ACSL5: variants seen among roughly 807,000 people sequenced by gnomAD.
ACSL5 encodes the protein long-chain-fatty-acid--CoA ligase 5.
ACSL5 carries 50 observed loss-of-function variants against 84.9 expected under a neutral mutation model. The ratio of observed to expected loss-of-function variants is 0.59; its 90% confidence interval spans 0.47 to 0.75. The LOEUF (loss-of-function observed/expected upper bound fraction) is 0.75. Ranked by LOEUF, ACSL5 falls within the 30% of genes least tolerant of loss-of-function variation. The pLI, the probability that ACSL5 is intolerant of heterozygous loss-of-function variation, is 0.00. For missense variants in ACSL5, 775 were observed against 830.4 expected, an observed-to-expected ratio of 0.93 and a Z score of 0.82; for synonymous variants, 280 against 300.7, an observed-to-expected ratio of 0.93 and a Z score of 0.71.
At chr10:112,403,527 C>A (rs1843954505) in intron 3 of ACSL5, among the ~76,000 whole-genome samples, 1 of 152,234 alleles carries the variant, frequency 6.6e-6, no homozygotes, top group Admixed American at 6.5e-5. Flanking sequence ...CTCAGGTGAT[C>A]TGCCCGCCTT....
Position 112,409,499 on chromosome 10 carries a change from G to A in ACSL5, c.533-8G>A, listed in dbSNP as rs754376995. On this transcript the variant is annotated splice_polypyrimidine_tract_variant and splice_region_variant and intron_variant, in intron 6 of 20. Transcript: ENST00000354655. ...GGGAATGACCTCTGGTTCTATTTTGGCTTCCAGCTGATATCGCCATGGTGA... is the reference window on the plus strand; with the variant it reads ...GGGAATGACCTCTGGTTCTATTTTGACTTCCAGCTGATATCGCCATGGTGA... The A allele has an allele frequency of 3.7e-6, 6 of 1,612,224 alleles. No homozygotes were observed. In the South Asian group the frequency reaches 6.6e-5, roughly 18 times the overall value.
chr10:112,400,822 T>C (rs1843867587), intron 3 of ACSL5, among the ~76,000 whole-genome samples: 1 of 152,122 alleles, frequency 6.6e-6, no homozygotes, highest in Admixed American at 6.6e-5. Flanking sequence ...CCTCCCAAAG[T>C]ACTGGGATTA....
rs74158725 is a variant in ACSL5, at chr10:112,404,945, C to G, written c.432+139C>G. 999 of 777,050 alleles carry G rather than the reference C, an allele frequency of 1.3e-3. 10 individuals are homozygous for G. In the African/African-American group the frequency reaches 0.015, roughly 12 times the overall value. 48.1% of individuals were successfully genotyped at this position (777,050 alleles called of 1,614,324 possible). On this transcript the variant is annotated intron_variant, in intron 5 of 20. Transcript: ENST00000354655. ...TTAAAATTTTCTAATGCTTATTCTA[C>G]TTGAAAGAGTTACCACTCAGAACCT...
rs756684445 is a variant in ACSL5, at chr10:112,422,444, A to G, written c.1593+3A>G. On this transcript the variant is annotated splice_donor_region_variant and intron_variant, in intron 17 of 20. Coordinates refer to ENST00000354655, the MANE Select transcript of ACSL5 (RefSeq NM_203379.2). The stretch of plus-strand genomic sequence containing the variant: ...GAGACATTGGTCGCTGGCTCCCGGT[A>G]GGTATATCATCAGAACTCCTGGAAG... 18 of 1,612,948 alleles carry G rather than the reference A, an allele frequency of 1.1e-5. No homozygotes were observed. The Admixed American group carries it at 3.0e-4, about 27-fold the overall frequency.
chr10:112,410,363 A>G (rs756479374), intron 7 of ACSL5, 100 bp from the exon 8 acceptor site: 4 of 1,584,844 alleles, frequency 2.5e-6, no homozygotes, highest in African/African-American at 2.7e-5. Flanking sequence ...TTATATTCCC[A>G]TAGAGATGTT....
chr10:112,381,282 A>G (rs1849342904), intron 1 of ACSL5, among the ~76,000 whole-genome samples: 1 of 152,176 alleles, frequency 6.6e-6, no homozygotes. Flanking sequence ...AAGTACCCAG[A>G]TGGCAGGAAC....
Position 112,417,853 on chromosome 10 carries a change from T to G in ACSL5, c.1226T>G (p.Leu409Arg), listed in dbSNP as rs1326920788. The G allele has an allele frequency of 6.2e-7, 1 of 1,614,154 alleles. No individual in the cohort carries two copies. Among genetic ancestry groups the G allele is most frequent in the Non-Finnish European group, 8.5e-7 (1 of 1,179,996 alleles). The stretch of plus-strand genomic sequence containing the variant: ...TTTGTTTCCACTGAACAGGACAGCC[T>G]GGGCGGAAGGGTTCGTGTAATTGTC... ...KLIFAKIQDS[L>R]GGRVRVIVTG... Residue 409 changes from leucine to arginine, a missense_variant, in exon 14 of 21, where the codon CTG becomes CGG. Coordinates refer to ENST00000354655, the MANE Select transcript of ACSL5 (RefSeq NM_203379.2).
chr10:112,375,730 G>A (rs1376741072), intron 1 of ACSL5, among the ~76,000 whole-genome samples: 2 of 152,198 alleles, frequency 1.3e-5, no homozygotes, highest in African/African-American at 4.8e-5. Flanking sequence ...TTTGAGGTGT[G>A]ACTGTATCAG....
Position 112,379,913 on chromosome 10 carries a change from A to G in ACSL5, c.-30+5644A>G, listed in dbSNP as rs75959590. Reference sequence around the variant, plus strand: ...GCTGATTCTGCAGAAAACTAAGGCAAGAAGTCTGCTTTCCCAACCTCTTGC... The same window carrying G: ...GCTGATTCTGCAGAAAACTAAGGCAGGAAGTCTGCTTTCCCAACCTCTTGC... On this transcript the variant is annotated intron_variant, in intron 1 of 20. Coordinates refer to ENST00000354655, the MANE Select transcript of ACSL5 (RefSeq NM_203379.2). Among the ~76,000 whole-genome samples the G allele has an allele frequency of 6.2e-3, 937 of 152,306 alleles. 7 individuals are homozygous for G. The highest frequency in any genetic ancestry group is 0.022 in the African/African-American group (906 of 41,562).
chr10:112,407,511 T>C (rs529431155), intron 5 of ACSL5, among the ~76,000 whole-genome samples: 1 of 152,188 alleles, frequency 6.6e-6, no homozygotes, highest in South Asian at 2.1e-4. Flanking sequence ...CATGAACCAC[T>C]GCACCCGGCC....
At chr10:112,411,272 G>T (rs1209760301) in intron 9 of ACSL5, 184 bp from the exon 10 acceptor site, 4 of 594,158 alleles carry the variant, frequency 6.7e-6, no homozygotes, top group Non-Finnish European at 1.2e-5. Context: ...GCATTCAGCA[G>T]TAGAATCTCC....
intron 17 of ACSL5, among the ~76,000 whole-genome samples, chr10:112,423,682 G>A (rs375745490): frequency 1.6e-4 from 25 of 152,262 alleles, no homozygotes; most frequent in African/African-American, 5.3e-4. Flanking sequence ...AGGTCAGGTA[G>A]ACCTGCACAT....
At position 112,409,400 on chromosome 10, in the gene ACSL5, T is replaced by C. The variant is rs898295432; in HGVS notation, c.533-107T>C. Reference sequence around the variant, plus strand: ...TCTGATTTGCAGGTGTAATCTCCTTTGGACACCTGTTAGCTTTGAAAACTT... The same window carrying C: ...TCTGATTTGCAGGTGTAATCTCCTTCGGACACCTGTTAGCTTTGAAAACTT... On this transcript the variant is annotated intron_variant, in intron 6 of 20. Coordinates refer to ENST00000354655, the MANE Select transcript of ACSL5 (RefSeq NM_203379.2). 3.2e-6 allele frequency: 3 copies of C among 926,830 alleles called. No individual in the cohort carries two copies. In the African/African-American group the frequency reaches 4.9e-5, roughly 15 times the overall value. 57.4% of individuals were successfully genotyped at this position (926,830 alleles called of 1,614,324 possible).
chr10:112,412,732 T>TA (rs1844210167), intron 11 of ACSL5: 1 of 153,724 alleles, frequency 6.5e-6, no homozygotes, highest in African/African-American at 2.4e-5. Context: ...TAAGAAATCT[T>TA]AAAAAATATT....
intron 5 of ACSL5, among the ~76,000 whole-genome samples, chr10:112,407,835 T>G (rs1292861447): frequency 6.6e-6 from 1 of 152,208 alleles, no homozygotes; most frequent in Non-Finnish European, 1.5e-5. Flanking sequence ...AAGTGATCTC[T>G]GACACCCTAA....
intron 3 of ACSL5, among the ~76,000 whole-genome samples, chr10:112,400,779 G>C (rs995844405): frequency 6.6e-6 from 1 of 151,930 alleles, no homozygotes; most frequent in Non-Finnish European, 1.5e-5. Context: ...GTCTCAAACT[G>C]ACTTCAAGAG....
chr10:112,427,225 C>G lies in ACSL5; in HGVS notation c.1919C>G (p.Ala640Gly), dbSNP rs74996244. Residue 640 changes from alanine to glycine, a missense_variant, in exon 21 of 21, where the codon GCC (alanine) becomes GGC (glycine). Coordinates refer to ENST00000354655, the MANE Select transcript of ACSL5 (RefSeq NM_203379.2). ...SGLKTFEQVK[A>G]IFLHPEPFSI... ...TGTGTGTTCATCTTCCAGGTCAAAG[C>G]CATTTTTCTTCATCCAGAGCCATTT... 3.0e-5 allele frequency: 48 copies of G among 1,611,708 alleles called. 1 individual carries two copies. The East Asian group carries it at 1.0e-3, about 34-fold the overall frequency.
At chr10:112,426,392 C>A in intron 19 of ACSL5, 33 bp downstream of exon 19, 1 of 1,571,408 alleles carries the variant, frequency 6.4e-7, no homozygotes, top group Non-Finnish European at 8.8e-7. Context: ...TTATGCACAC[C>A]CATGGGCCCA....
intron 12 of ACSL5, among the ~76,000 whole-genome samples, 173 bp downstream of exon 12, chr10:112,413,480 CT>C (rs1469255571): frequency 6.6e-6 from 1 of 152,114 alleles, no homozygotes; most frequent in Admixed American, 6.6e-5. Context: ...GATCTCAGCA[CT>C]TTGGGAGGCC....
Sources: allele counts gnomAD v4.1 joint callset (sites outside exome capture counted in the v4.1 genomes callset), GRCh38; gene constraint gnomAD v4.1.1; transcripts MANE v1.5; gene names NCBI Gene and HGNC (gene_info 2026-07-23, HGNC 2026-07-21).